Variants in DNAH9 observed in about 807,000 individuals in gnomAD.
The protein encoded by DNAH9 is DNAH9 variant protein.
DNAH9 carries 345 observed loss-of-function variants against 471.6 expected under a neutral mutation model. The observed-to-expected ratio is 0.73, with a 90% CI of 0.67 to 0.80. The LOEUF is 0.80. DNAH9 is among the 30% of genes least tolerant of loss of function. DNAH9 has a pLI of 0.00. For missense variants in DNAH9, 5,407 were observed against 5,609.2 expected (o/e 0.96, Z 1.15); for synonymous variants, 2,093 against 2,123.6 (o/e 0.99, Z 0.40).
At chr17:11,699,692 A>T (rs1215319939) in intron 22 of DNAH9, 39 bp from the exon 23 acceptor site, 15 of 1,601,742 alleles carry the variant, frequency 9.4e-6, no homozygotes, top group African/African-American at 1.3e-5. Flanking sequence ...AGCTTCCCGA[A>T]CATGTTTTAT....
chr17:11,779,031 G>A (rs1254397971), intron 38 of DNAH9, among the ~76,000 whole-genome samples: 1 of 151,988 alleles, frequency 6.6e-6, no homozygotes, highest in Non-Finnish European at 1.5e-5. Context: ...AAATTAAATT[G>A]CCCTTCAAGT....
intron 61 of DNAH9, among the ~76,000 whole-genome samples, chr17:11,907,159 G>A (rs760262693): frequency 7.2e-5 from 11 of 152,144 alleles, no homozygotes; most frequent in Admixed American, 2.6e-4. Context: ...GATTGTAAGC[G>A]TTTCTTATCA....
chr17:11,652,849 C>T lies in DNAH9; in HGVS notation c.2442C>T (p.Ile814=). 6.2e-7 allele frequency: 1 copy of T among 1,613,846 alleles called. No individual in the cohort carries two copies. Residue 814 remains isoleucine (I), a synonymous_variant, in exon 14 of 69, where the codon ATC becomes ATT. Transcript: ENST00000262442. The part of the protein sequence containing the change: ...IQKTKDNVEE[I]QNIMKTWVTP... ...AAACTAAAGACAATGTGGAAGAGAT[C>T]CAAAACATCATGAAAACATGGGTGA...
At chr17:11,949,673 G>A (rs1975289374) in intron 67 of DNAH9, among the ~76,000 whole-genome samples, 1 of 152,116 alleles carries the variant, frequency 6.6e-6, no homozygotes, top group African/African-American at 2.4e-5. Context: ...TAGAGAGGGG[G>A]TTTCTCCATG....
rs552945818 is a variant in DNAH9 at position 11,901,691 on chromosome 17, G to A, written c.11407-1028G>A. Among the ~76,000 whole-genome samples, 141 of 152,210 alleles carry A rather than the reference G, an allele frequency of 9.3e-4. 1 individual carries two copies. The highest frequency in any genetic ancestry group is 3.2e-3 in the African/African-American group (132 of 41,522). ...AGCCTGGGCAACAGAGCGACACTCCGTCTCAAAACAAAACAAAACAAAAAA... is the reference window on the plus strand; with the variant it reads ...AGCCTGGGCAACAGAGCGACACTCCATCTCAAAACAAAACAAAACAAAAAA... On this transcript the variant is annotated intron_variant, in intron 59 of 68. Transcript: ENST00000262442.
intron 14 of DNAH9, among the ~76,000 whole-genome samples, chr17:11,654,628 G>A (rs181489531): frequency 5.7e-4 from 86 of 151,856 alleles, no homozygotes; most frequent in Middle Eastern, 6.8e-3. Flanking sequence ...CTTATCACAA[G>A]AGTCTCTAAA....
At chr17:11,872,656 C>A (rs947553869) in intron 52 of DNAH9, among the ~76,000 whole-genome samples, 1 of 152,080 alleles carries the variant, frequency 6.6e-6, no homozygotes, top group Non-Finnish European at 1.5e-5. Flanking sequence ...CGCGGTGGCT[C>A]ACGCCTGTAA....
At chr17:11,685,787 G>A (rs1307229836) in intron 19 of DNAH9, among the ~76,000 whole-genome samples, 2 of 151,140 alleles carry the variant, frequency 1.3e-5, no homozygotes, top group Admixed American at 6.7e-5. Flanking sequence ...ACAAAGTCAG[G>A]GTTGGATACA....
intron 56 of DNAH9, among the ~76,000 whole-genome samples, chr17:11,886,592 T>C (rs1194384620): frequency 6.6e-6 from 1 of 151,040 alleles, no homozygotes; most frequent in African/African-American, 2.4e-5. Context: ...GCTTCCCAAC[T>C]GGAAGAGCTG....
intron 14 of DNAH9, among the ~76,000 whole-genome samples, chr17:11,654,122 G>A (rs1254286030): frequency 1.5e-5 from 1 of 66,904 alleles, no homozygotes; most frequent in Non-Finnish European, 3.6e-5. Context: ...TTGGGAGGCC[G>A]AGGCGGGCGG....
chr17:11,659,356 T>A (rs1366096036), intron 14 of DNAH9, among the ~76,000 whole-genome samples: 1 of 151,950 alleles, frequency 6.6e-6, no homozygotes, highest in Non-Finnish European at 1.5e-5. Context: ...TGTAAAAGAG[T>A]CTTGGAACAT....
chr17:11,621,634 A>G lies in DNAH9; in HGVS notation c.1350+1853A>G, dbSNP rs2072867077. On this transcript the variant is annotated intron_variant, in intron 6 of 68. Transcript: ENST00000262442. ...ATCACCATGTGCCAGGCACGGAGCT[A>G]GGAACTGAGATACAAAGACGACTGA... Among the ~76,000 whole-genome samples, 3 of 152,184 alleles carry G rather than the reference A, an allele frequency of 2.0e-5. No homozygotes were observed. In the South Asian group the frequency reaches 6.2e-4, roughly 32 times the overall value.
In DNAH9 at chr17:11,932,539, G is replaced by C. The variant is rs1337111866; in HGVS notation, c.12297+334G>C. Among the ~76,000 whole-genome samples the C allele has an allele frequency of 6.6e-6, 1 of 152,190 alleles. No homozygotes were observed. Among genetic ancestry groups the C allele is most frequent in the Admixed American group, 6.5e-5 (1 of 15,288 alleles). On this transcript the variant is annotated intron_variant, in intron 64 of 68. Coordinates refer to ENST00000262442, the MANE Select transcript of DNAH9 (RefSeq NM_001372.4). This position sits in a 1 kb window ranked among gnomAD's most constrained non-coding sequence, Gnocchi z 4.3. ...TCCCACCCAAACTTACTGAATCAGCGCATTTTAACGAGATTCTCTGGTAAT... is the reference window on the plus strand; with the variant it reads ...TCCCACCCAAACTTACTGAATCAGCCCATTTTAACGAGATTCTCTGGTAAT...
intron 49 of DNAH9, among the ~76,000 whole-genome samples, chr17:11,837,893 G>A (rs1368032370): frequency 6.6e-6 from 1 of 152,146 alleles, no homozygotes; most frequent in Non-Finnish European, 1.5e-5. Flanking sequence ...TTGAACTAGT[G>A]CTTGCCTCTG....
At chr17:11,624,135 A>G (rs922217048) in intron 6 of DNAH9, among the ~76,000 whole-genome samples, 1 of 152,214 alleles carries the variant, frequency 6.6e-6, no homozygotes, top group Non-Finnish European at 1.5e-5. Context: ...TTGTGGAGGG[A>G]AGAACAAGGA....
chr17:11,779,506 C>T (rs912011314), intron 38 of DNAH9, among the ~76,000 whole-genome samples: 2 of 152,096 alleles, frequency 1.3e-5, no homozygotes, highest in African/African-American at 4.8e-5. Context: ...TAATCCCGTG[C>T]GCTCCATGGC....
chr17:11,910,357 G>A (rs572882198), intron 61 of DNAH9, among the ~76,000 whole-genome samples: 1 of 152,160 alleles, frequency 6.6e-6, no homozygotes, highest in African/African-American at 2.4e-5. Flanking sequence ...ATATTTTCAA[G>A]GTTCAAACAT....
At chr17:11,643,709 A>G in intron 10 of DNAH9, among the ~76,000 whole-genome samples, 1 of 152,308 alleles carries the variant, frequency 6.6e-6, no homozygotes, top group East Asian at 1.9e-4. Context: ...AATATGCTCT[A>G]TGATCAATAC....
chr17:11,635,354 T>G (rs57325262), intron 8 of DNAH9, among the ~76,000 whole-genome samples: 5,925 of 126,568 alleles, frequency 0.047, 238 homozygotes, highest in African/African-American at 0.13. Flanking sequence ...TTTTTTTTTT[T>G]TTTTTTTAGT....
Sources: allele counts gnomAD v4.1 joint callset (sites outside exome capture counted in the v4.1 genomes callset), GRCh38; gene constraint gnomAD v4.1.1; non-coding constraint Gnocchi (gnomAD v3.1); transcripts MANE v1.5; gene names NCBI Gene and HGNC (gene_info 2026-07-23, HGNC 2026-07-21).